Variants in NOL10 observed in about 807,000 individuals in gnomAD.
The protein encoded by NOL10 is H_NH0074G24.1.
In NOL10, 58 loss-of-function variants were observed where a neutral mutation model predicts 103.5. The ratio of observed to expected loss-of-function variants is 0.56; its 90% CI spans 0.45 to 0.70. NOL10 has a LOEUF of 0.70. Ranked by LOEUF, NOL10 falls within the 30% of genes least tolerant of loss-of-function variation. NOL10 has a pLI of 0.00. For synonymous variants in NOL10, 287 were observed against 282.5 expected (o/e 1.02, Z -0.16); for missense variants, 763 against 807.3 (o/e 0.95, Z 0.67).
At chr2:10,622,049 G>A in intron 13 of NOL10, 1 of 471,092 alleles carries the variant, frequency 2.1e-6, no homozygotes, top group Non-Finnish European at 4.4e-6. Flanking sequence ...TGTGACTAAT[G>A]GCTACCACAC....
chr2:10,607,083 G>T (rs1676300738), intron 14 of NOL10, 102 bp downstream of exon 14: 1 of 625,168 alleles, frequency 1.6e-6, no homozygotes, highest in African/African-American at 1.9e-5. Context: ...GAAGATTTAG[G>T]AGATGAGGTA....
intron 13 of NOL10, among the ~76,000 whole-genome samples, chr2:10,638,330 G>A (rs9751107): frequency 0.047 from 4,350 of 92,660 alleles, 125 homozygotes; most frequent in African/African-American, 0.13. Context: ...GACGTGACGT[G>A]ACGTAACGTA....
rs777077425 is a variant in NOL10 at position 10,682,064 on chromosome 2, G to A, written c.118C>T (p.Arg40Cys). Residue 40 changes from arginine (R) to cysteine (C), a missense_variant, in exon 3 of 21, where the codon CGT (arginine) becomes TGT (cysteine). Physicochemically the swap from Arg to Cys is radical, Grantham distance 180. Coordinates refer to ENST00000381685, the MANE Select transcript of NOL10 (RefSeq NM_024894.4). Reference protein sequence around the residue: ...RALQKKDVDVRRRIELIQDFE... With the variant: ...RALQKKDVDVCRRIELIQDFE... ...TCCTGAATAAGTTCAATTCTCCTAC[G>A]GACATCTAAAAAGAGAGAAAAAAAC... The A allele has an allele frequency of 8.2e-6, 12 of 1,462,874 alleles. No individual in the cohort carries two copies. The highest frequency in any genetic ancestry group is 1.8e-4 in the Middle Eastern group (1 of 5,564). The allele number at this position is 1,462,874 out of a possible 1,614,324, so 90.6% of individuals were successfully genotyped here.
At chr2:10,669,179 C>CA (rs1680748284) in intron 6 of NOL10, among the ~76,000 whole-genome samples, 1 of 151,568 alleles carries the variant, frequency 6.6e-6, no homozygotes, top group African/African-American at 2.4e-5. Flanking sequence ...GGGCGCCACT[C>CA]ACTACACCCG....
intron 13 of NOL10, among the ~76,000 whole-genome samples, chr2:10,629,911 C>T (rs759970165): frequency 2.6e-5 from 4 of 152,100 alleles, no homozygotes; most frequent in Non-Finnish European, 4.4e-5. Context: ...CCTCAGTCCC[C>T]TGAGTAGCTA....
At chr2:10,675,698 T>C (rs1021706779) in intron 4 of NOL10, 96 bp downstream of exon 4, 14 of 701,602 alleles carry the variant, frequency 2.0e-5, no homozygotes, top group Non-Finnish European at 3.1e-5. Flanking sequence ...TATACAGCAA[T>C]AAAAAACTAA....
At chr2:10,595,374 G>A (rs753711305) in intron 17 of NOL10, among the ~76,000 whole-genome samples, 28 of 152,184 alleles carry the variant, frequency 1.8e-4, no homozygotes, top group Non-Finnish European at 3.1e-4. Context: ...GGAGTGCAGT[G>A]GCACAACCAT....
At chr2:10,593,324 G>C (rs1171223737) in intron 17 of NOL10, among the ~76,000 whole-genome samples, 2 of 152,070 alleles carry the variant, frequency 1.3e-5, no homozygotes, top group African/African-American at 4.8e-5. Flanking sequence ...GTTTTTAGTA[G>C]AGACGGGGTT....
At chr2:10,666,194 C>T (rs1174861772) in intron 8 of NOL10, among the ~76,000 whole-genome samples, 2 of 152,152 alleles carry the variant, frequency 1.3e-5, no homozygotes, top group African/African-American at 2.4e-5. Flanking sequence ...CAGCTGCATC[C>T]ATGTTGCTGC....
intron 17 of NOL10, among the ~76,000 whole-genome samples, chr2:10,594,833 T>C (rs1210660349): frequency 6.6e-6 from 1 of 151,836 alleles, no homozygotes; most frequent in African/African-American, 2.4e-5. Flanking sequence ...TCTACTAAAA[T>C]ATATACATAC....
Position 10,623,703 on chromosome 2 carries a change from GC to G in NOL10, c.1027-16393del, listed in dbSNP as rs369226994. On this transcript the variant is annotated intron_variant, in intron 13 of 20. Coordinates refer to ENST00000381685, the MANE Select transcript of NOL10 (RefSeq NM_024894.4). ...AAATGTTTGTATAATAAATGACCCAGCCCCCCAAATACTCAAAACTAACAAC... is the reference window on the plus strand; with the variant it reads ...AAATGTTTGTATAATAAATGACCCAGCCCCCAAATACTCAAAACTAACAAC... 4.8e-3 allele frequency among the ~76,000 whole-genome samples: 732 copies of G among 152,098 alleles called. 9 individuals are homozygous for G. The highest frequency in any genetic ancestry group is 0.016 in the African/African-American group (679 of 41,472).
intron 13 of NOL10, among the ~76,000 whole-genome samples, chr2:10,642,961 G>C (rs1409996427): frequency 6.6e-6 from 1 of 152,130 alleles, no homozygotes; most frequent in Non-Finnish European, 1.5e-5. Context: ...GCAGCACCCT[G>C]GATGCTGTAA....
intron 13 of NOL10, among the ~76,000 whole-genome samples, chr2:10,628,704 G>A (rs533794094): frequency 2.0e-5 from 3 of 152,156 alleles, no homozygotes; most frequent in South Asian, 2.1e-4. Context: ...TGGTGACTAC[G>A]TCATACCAAA....
chr2:10,673,435 A>G, intron 5 of NOL10, 85 bp downstream of exon 5: 1 of 825,952 alleles, frequency 1.2e-6, no homozygotes. Flanking sequence ...CAATAAAAAT[A>G]TTATAAAACT....
At chr2:10,632,750 T>C (rs1677928686) in intron 13 of NOL10, among the ~76,000 whole-genome samples, 1 of 152,244 alleles carries the variant, frequency 6.6e-6, no homozygotes, top group African/African-American at 2.4e-5. Context: ...ATTAAAATTT[T>C]ACCTTTTGAT....
At chr2:10,654,038 A>G (rs548280549) in intron 12 of NOL10, among the ~76,000 whole-genome samples, 2 of 152,312 alleles carry the variant, frequency 1.3e-5, no homozygotes, top group African/African-American at 4.8e-5. Context: ...ATTGCTGAAT[A>G]GCATACAACT....
At chr2:10,606,819 T>C (rs1676286094) in intron 14 of NOL10, among the ~76,000 whole-genome samples, 3 of 152,142 alleles carry the variant, frequency 2.0e-5, no homozygotes, top group South Asian at 2.1e-4. Context: ...AATCATTTAC[T>C]TGCCGTCTCT....
At chr2:10,600,985 G>A (rs1482913304) in intron 16 of NOL10, 43 bp from the exon 17 acceptor site, 6 of 1,236,400 alleles carry the variant, frequency 4.9e-6, no homozygotes, top group East Asian at 2.6e-5. Flanking sequence ...TATTTTAAAA[G>A]CTAACATATT....
chr2:10,571,046 A>T lies in NOL10; in HGVS notation c.*1025T>A, dbSNP rs577389753. The T allele has an allele frequency of 6.6e-6, 1 of 152,298 alleles. No homozygotes were observed. The highest frequency in any genetic ancestry group is 2.1e-4 in the South Asian group (1 of 4,824). 9.4% of individuals were successfully genotyped at this position (152,298 alleles called of 1,614,324 possible). On this transcript the variant is annotated 3_prime_UTR_variant, in exon 21 of 21. Coordinates refer to ENST00000381685, the MANE Select transcript of NOL10 (RefSeq NM_024894.4). ...CAAATCTGAAAATCCAAAACCTGAAAAGCTCTAATGAGCATTTTCCTCCAA... is the reference window on the plus strand; with the variant it reads ...CAAATCTGAAAATCCAAAACCTGAATAGCTCTAATGAGCATTTTCCTCCAA...
Sources: allele counts gnomAD v4.1 joint callset (sites outside exome capture counted in the v4.1 genomes callset), GRCh38; gene constraint gnomAD v4.1.1; transcripts MANE v1.5; gene names NCBI Gene and HGNC (gene_info 2026-07-23, HGNC 2026-07-21).